The following STXBP6 variants were observed in gnomAD, a reference collection of about 807,000 sequenced individuals.
STXBP6 encodes syntaxin binding protein 6.
In STXBP6, 21 loss-of-function variants were observed where a neutral mutation model predicts 26.9. The observed-to-expected ratio is 0.78, with a 90% CI of 0.55 to 1.12. The LOEUF is 1.12. Ranked by LOEUF, STXBP6 falls within the 50% of genes most tolerant of loss-of-function variation. STXBP6 has a pLI of 0.00. For missense variants in STXBP6, 232 were observed against 257.9 expected (o/e 0.90, Z 0.69); for synonymous variants, 97 against 92.6 (o/e 1.05, Z -0.27).
At chr14:24,896,280 G>A (rs1288749611) in intron 2 of STXBP6, among the ~76,000 whole-genome samples, 4 of 150,548 alleles carry the variant, frequency 2.7e-5, no homozygotes, top group Non-Finnish European at 4.4e-5. Context: ...TGACATGACA[G>A]ACTCAAGTTT....
intron 5 of STXBP6, among the ~76,000 whole-genome samples, chr14:24,812,995 T>C (rs2067866641): frequency 6.6e-6 from 1 of 152,104 alleles, no homozygotes; most frequent in Non-Finnish European, 1.5e-5. Context: ...AGTGCCTGTG[T>C]GGTGTTCCTA....
intron 4 of STXBP6, among the ~76,000 whole-genome samples, chr14:24,828,919 G>A (rs763943071): frequency 9.2e-5 from 14 of 152,160 alleles, no homozygotes; most frequent in South Asian, 2.1e-4. Context: ...GAGAAAACCC[G>A]TCAAGTTGAA....
intron 2 of STXBP6, among the ~76,000 whole-genome samples, chr14:24,919,338 T>C (rs776624213): frequency 3.9e-5 from 6 of 151,998 alleles, no homozygotes; most frequent in Non-Finnish European, 8.8e-5. Flanking sequence ...AAAATTATCC[T>C]GTAACAAACA....
intron 1 of STXBP6, among the ~76,000 whole-genome samples, chr14:25,024,308 CA>C (rs201709869): frequency 2.9e-3 from 357 of 123,034 alleles, no homozygotes; most frequent in African/African-American, 6.9e-3. Flanking sequence ...GACTCTGACT[CA>C]AAAAAAAAAA....
chr14:24,964,414 GA>G (rs929571277), intron 2 of STXBP6, among the ~76,000 whole-genome samples: 11 of 152,150 alleles, frequency 7.2e-5, no homozygotes, highest in Non-Finnish European at 1.5e-4. Context: ...GTTTCTTCTG[GA>G]AAATTCTGCA....
At chr14:24,871,111 G>A (rs911368786) in intron 2 of STXBP6, among the ~76,000 whole-genome samples, 2 of 150,194 alleles carry the variant, frequency 1.3e-5, no homozygotes, top group Non-Finnish European at 3.0e-5. Context: ...ATCCCATTAT[G>A]TTCTTTTTTC....
At chr14:24,954,200 A>G (rs749354144) in intron 2 of STXBP6, among the ~76,000 whole-genome samples, 1 of 152,160 alleles carries the variant, frequency 6.6e-6, no homozygotes, top group Non-Finnish European at 1.5e-5. Context: ...AAGGGAGTTG[A>G]GTCCTCTTGA....
intron 4 of STXBP6, among the ~76,000 whole-genome samples, chr14:24,841,799 G>GT (rs553834217): frequency 4.2e-4 from 64 of 151,966 alleles, no homozygotes; most frequent in African/African-American, 1.4e-3. Context: ...ACATCTTAAC[G>GT]TTTTTTCTAA....
chr14:25,019,903 C>G (rs982338331), intron 1 of STXBP6, among the ~76,000 whole-genome samples: 124 of 137,710 alleles, frequency 9.0e-4, no homozygotes, highest in African/African-American at 3.3e-3. Flanking sequence ...CTTTCAAACT[C>G]CTTTCCCTCT....
At position 25,049,703 on chromosome 14, in the gene STXBP6, T is replaced by G; in HGVS notation, c.-33+175A>C. On this transcript the variant is annotated intron_variant, in intron 1 of 5. Coordinates refer to ENST00000323944, the MANE Select transcript of STXBP6 (RefSeq NM_001394410.1). This position sits in a 1 kb window ranked among gnomAD's most constrained non-coding sequence, Gnocchi z 5.6. Reference sequence around the variant, plus strand: ...CTGCGCCGGGGCGCGCGGCCCCCTCTCCCGCCACCCGCCAACTTGGAAGAA... The same window carrying G: ...CTGCGCCGGGGCGCGCGGCCCCCTCGCCCGCCACCCGCCAACTTGGAAGAA... The G allele has an allele frequency of 1.0e-6, 1 of 985,194 alleles. No individual in the cohort carries two copies. Among genetic ancestry groups the G allele is most frequent in the Non-Finnish European group, 1.2e-6 (1 of 830,060 alleles). The allele number at this position is 985,194 out of a possible 1,614,324, so 61.0% of individuals were successfully genotyped here.
At chr14:24,869,588 T>C (rs2069853353) in intron 2 of STXBP6, among the ~76,000 whole-genome samples, 1 of 152,170 alleles carries the variant, frequency 6.6e-6, no homozygotes, top group Non-Finnish European at 1.5e-5. Context: ...GCTTTCTCTA[T>C]TCAATTCTCC....
intron 1 of STXBP6, among the ~76,000 whole-genome samples, chr14:25,033,696 G>T (rs2075501642): frequency 1.3e-5 from 2 of 152,044 alleles, no homozygotes; most frequent in Admixed American, 1.3e-4. Context: ...TAATTTATTT[G>T]ACTAGGCCAA....
rs543441106 is a variant in STXBP6, at chr14:24,909,280, C to T, written c.155-52123G>A. ...ACCCCTTTCACAGGGGCACTCCAGC[C>T]CCAGCAGCACGTCATGCGTGGAGCG... On this transcript the variant is annotated intron_variant, in intron 2 of 5. Transcript: ENST00000323944. Among the ~76,000 whole-genome samples the T allele has an allele frequency of 7.2e-5, 11 of 152,322 alleles. No individual in the cohort carries two copies. The South Asian group carries it at 2.3e-3, about 32-fold the overall frequency.
At chr14:24,893,809 T>G (rs2070878016) in intron 2 of STXBP6, among the ~76,000 whole-genome samples, 1 of 152,210 alleles carries the variant, frequency 6.6e-6, no homozygotes, top group Admixed American at 6.5e-5. Context: ...AGATCACAAA[T>G]ATCAATGCCT....
intron 1 of STXBP6, among the ~76,000 whole-genome samples, chr14:25,021,166 A>T (rs1049302779): frequency 2.0e-5 from 3 of 152,118 alleles, no homozygotes; most frequent in Non-Finnish European, 4.4e-5. Flanking sequence ...TCCCACCATC[A>T]GACTAATTTA....
intron 1 of STXBP6, among the ~76,000 whole-genome samples, chr14:24,987,707 T>C (rs2074368398): frequency 6.6e-6 from 1 of 152,198 alleles, no homozygotes; most frequent in African/African-American, 2.4e-5. Flanking sequence ...TGCCACTCCA[T>C]AGGGAATGGC....
At chr14:24,966,532 G>A (rs1447465571) in intron 2 of STXBP6, among the ~76,000 whole-genome samples, 2 of 152,142 alleles carry the variant, frequency 1.3e-5, no homozygotes, top group African/African-American at 4.8e-5. Flanking sequence ...CTGTAAAGTA[G>A]AAATAACAAG....
intron 2 of STXBP6, among the ~76,000 whole-genome samples, chr14:24,924,979 G>GT (rs2139842053): frequency 6.6e-6 from 1 of 152,298 alleles, no homozygotes; most frequent in East Asian, 1.9e-4. Context: ...AGATACCGTT[G>GT]TATCAAGATA....
intron 1 of STXBP6, among the ~76,000 whole-genome samples, chr14:25,032,086 G>A (rs958120103): frequency 2.0e-5 from 3 of 152,124 alleles, no homozygotes; most frequent in African/African-American, 7.2e-5. Flanking sequence ...AAAATAAAGA[G>A]GCTTGAAATA....
Sources: gnomAD v4.1 joint callset for allele counts (sites outside exome capture counted in the v4.1 genomes callset) on GRCh38, gnomAD v4.1.1 for gene constraint, Gnocchi (gnomAD v3.1) non-coding constraint, MANE v1.5 for transcripts, NCBI Gene and HGNC (gene_info 2026-07-23, HGNC 2026-07-21) for gene names.